Variants in AGBL4 observed in about 807,000 individuals in gnomAD.
AGBL4 encodes the protein cytosolic carboxypeptidase 6.
Under a neutral mutation model 66.4 loss-of-function variants are expected in AGBL4, and 58 were observed. That is an observed-to-expected ratio of 0.87 (90% CI 0.71 to 1.09). The LOEUF (loss-of-function observed/expected upper bound fraction) is 1.09. Ranked by LOEUF, AGBL4 falls within the 50% of genes least tolerant of loss-of-function variation. The pLI is 0.00. For synonymous variants in AGBL4, 234 were observed against 222.9 expected, an observed-to-expected ratio of 1.05 and a Z score of -0.44; for missense variants, 579 against 631.0, an observed-to-expected ratio of 0.92 and a Z score of 0.88.
At chr1:48,609,039 G>C (rs2148376959) in intron 9 of AGBL4, among the ~76,000 whole-genome samples, 1 of 152,304 alleles carries the variant, frequency 6.6e-6, no homozygotes, top group Non-Finnish European at 1.5e-5. Context: ...ACGTAGGGAA[G>C]CCAAGGGATC....
In AGBL4 at chr1:48,633,548, A is replaced by G. The variant is rs554165977; in HGVS notation, c.951+945T>C. 2.6e-5 allele frequency among the ~76,000 whole-genome samples: 4 copies of G among 152,280 alleles called. No individual in the cohort carries two copies. The South Asian group carries it at 6.2e-4, about 24-fold the overall frequency. ...CTCCTCTGTGCACCCTTTTGGACTA[A>G]AAGTTGAACACTTTTAGTAAAGCAA... On this transcript the variant is annotated intron_variant, in intron 9 of 13. Coordinates refer to ENST00000371839, the MANE Select transcript of AGBL4 (RefSeq NM_032785.4).
chr1:49,285,283 C>G (rs1418000383), intron 3 of AGBL4, among the ~76,000 whole-genome samples: 3 of 152,008 alleles, frequency 2.0e-5, no homozygotes, highest in Non-Finnish European at 2.9e-5. Context: ...GGATACATAA[C>G]GAAATGAAGG....
At chr1:49,919,981 A>T (rs1652029077) in intron 1 of AGBL4, among the ~76,000 whole-genome samples, 1 of 152,196 alleles carries the variant, frequency 6.6e-6, no homozygotes, top group Admixed American at 6.5e-5. Context: ...AAAAACAAGA[A>T]ATGGGGAAAG....
chr1:49,058,249 T>G (rs1447892991), intron 4 of AGBL4, among the ~76,000 whole-genome samples: 2 of 152,152 alleles, frequency 1.3e-5, no homozygotes, highest in African/African-American at 4.8e-5. Context: ...CATCTGGAAT[T>G]GTAGTTCCCA....
intron 3 of AGBL4, among the ~76,000 whole-genome samples, chr1:49,553,501 T>C (rs1429897431): frequency 6.6e-6 from 1 of 152,174 alleles, no homozygotes; most frequent in African/African-American, 2.4e-5. Flanking sequence ...TCATCTTTTC[T>C]TAGTACCACA....
intron 3 of AGBL4, among the ~76,000 whole-genome samples, chr1:49,283,349 T>A (rs989093693): frequency 6.6e-6 from 1 of 152,156 alleles, no homozygotes; most frequent in Non-Finnish European, 1.5e-5. Context: ...AGAAAGGACA[T>A]CCACACCAAA....
At chr1:48,639,884 G>A (rs1448093527) in intron 8 of AGBL4, among the ~76,000 whole-genome samples, 1 of 152,172 alleles carries the variant, frequency 6.6e-6, no homozygotes, top group Admixed American at 6.5e-5. Flanking sequence ...GGCCAAGGCT[G>A]GTACAGGCTC....
intron 3 of AGBL4, among the ~76,000 whole-genome samples, chr1:49,619,185 G>T (rs957485537): frequency 1.3e-5 from 2 of 152,182 alleles, no homozygotes; most frequent in African/African-American, 4.8e-5. Context: ...AATTGTCTCT[G>T]TTTGCAGATG....
chr1:49,845,759 A>C, intron 2 of AGBL4: 1 of 1,583,926 alleles, frequency 6.3e-7, no homozygotes, highest in Non-Finnish European at 8.7e-7. Context: ...GGATGCAACG[A>C]GTGTGGGAAA....
At chr1:49,282,999 G>C (rs1268741773) in intron 3 of AGBL4, among the ~76,000 whole-genome samples, 5 of 152,256 alleles carry the variant, frequency 3.3e-5, no homozygotes, top group Non-Finnish European at 7.3e-5. Flanking sequence ...CTGGGAAGCT[G>C]GAACTGGGTG....
chr1:49,085,869 TG>T (rs1458153493), intron 4 of AGBL4, among the ~76,000 whole-genome samples: 3 of 152,202 alleles, frequency 2.0e-5, no homozygotes, highest in South Asian at 2.1e-4. Flanking sequence ...GGACATTTTG[TG>T]GGGGCAACTC....
intron 2 of AGBL4, among the ~76,000 whole-genome samples, chr1:49,805,736 T>C (rs528380567): frequency 2.6e-5 from 4 of 152,264 alleles, no homozygotes; most frequent in East Asian, 3.9e-4. Context: ...GGATCCTTCA[T>C]AGATAAGATA....
intron 3 of AGBL4, among the ~76,000 whole-genome samples, chr1:49,495,251 C>T (rs1327743913): frequency 6.6e-6 from 1 of 152,102 alleles, no homozygotes; most frequent in African/African-American, 2.4e-5. Context: ...TAATATCTTA[C>T]AACTAGCTTG....
intron 3 of AGBL4, among the ~76,000 whole-genome samples, chr1:49,387,829 C>A (rs942175399): frequency 1.3e-5 from 2 of 152,098 alleles, no homozygotes; most frequent in South Asian, 4.2e-4. Flanking sequence ...AAGGCTCTAA[C>A]AGGTAAGAGT....
chr1:49,764,017 A>T (rs976340991), intron 2 of AGBL4, among the ~76,000 whole-genome samples: 10 of 152,120 alleles, frequency 6.6e-5, no homozygotes, highest in Admixed American at 5.9e-4. Context: ...AGGCAGTCAC[A>T]GTTCTGTGTT....
intron 3 of AGBL4, among the ~76,000 whole-genome samples, chr1:49,582,820 T>A (rs1274184913): frequency 6.6e-6 from 1 of 152,188 alleles, no homozygotes; most frequent in Non-Finnish European, 1.5e-5. Context: ...TTTCTCCTGG[T>A]CCCTAGCTGA....
intron 6 of AGBL4, among the ~76,000 whole-genome samples, chr1:48,724,858 T>C (rs990156188): frequency 2.0e-5 from 3 of 152,210 alleles, no homozygotes; most frequent in Admixed American, 2.0e-4. Flanking sequence ...AGAAAACTTG[T>C]TGCCAGGGCT....
intron 6 of AGBL4, chr1:48,818,264 A>T (rs532493702): frequency 2.8e-6 from 2 of 717,442 alleles, no homozygotes; most frequent in Admixed American, 2.0e-5. Flanking sequence ...ATTTGCAATC[A>T]ATATTATCTC....
intron 3 of AGBL4, among the ~76,000 whole-genome samples, chr1:49,691,943 T>C (rs1041091366): frequency 1.3e-5 from 2 of 152,140 alleles, no homozygotes; most frequent in Admixed American, 6.5e-5. Context: ...GATGGCCTAT[T>C]GTGGGACCTT....
Sources: allele counts gnomAD v4.1 joint callset (sites outside exome capture counted in the v4.1 genomes callset), GRCh38; gene constraint gnomAD v4.1.1; transcripts MANE v1.5; gene names NCBI Gene and HGNC (gene_info 2026-07-23, HGNC 2026-07-21).